The following SBNO2 variants were observed in gnomAD, a reference collection of about 807,000 sequenced individuals.
SBNO2 encodes the protein protein strawberry notch homolog 2.
In SBNO2, 89 loss-of-function variants were observed where a neutral mutation model predicts 146.3. The observed-to-expected ratio is 0.61, with a 90% CI of 0.51 to 0.73. The LOEUF (loss-of-function observed/expected upper bound fraction) is 0.73. Among genes scored for constraint, SBNO2 ranks in the 30% least tolerant of loss-of-function variants. The probability of loss-of-function intolerance (pLI) is 0.00; values close to 1 mark genes in which losing one functional copy is unlikely to be tolerated. For missense variants in SBNO2, 2,092 were observed against 2,003.7 expected (o/e 1.04, Z -0.84); for synonymous variants, 1,147 against 892.6 (o/e 1.29, Z -5.08).
rs773391842 is a variant in SBNO2, at chr19:1,108,198, G to A, written c.*22C>T. 4 of 1,522,396 alleles carry A rather than the reference G, an allele frequency of 2.6e-6. No homozygotes were observed. The highest frequency in any genetic ancestry group is 2.6e-5 in the East Asian group (1 of 37,768). 94.3% of individuals were successfully genotyped at this position (1,522,396 alleles called of 1,614,324 possible). Reference sequence around the variant, plus strand: ...GGAGAAACGGTCCCTGTGTCTTGGGGCATGTTTCGCCTAAAGGCGTGTCAG... The same window carrying A: ...GGAGAAACGGTCCCTGTGTCTTGGGACATGTTTCGCCTAAAGGCGTGTCAG... On this transcript the variant is annotated 3_prime_UTR_variant, in exon 32 of 32. Transcript: ENST00000361757.
chr19:1,141,710 C>G (rs2080138939), intron 4 of SBNO2, among the ~76,000 whole-genome samples: 1 of 152,136 alleles, frequency 6.6e-6, no homozygotes, highest in Non-Finnish European at 1.5e-5. Flanking sequence ...CTCCCAGACT[C>G]AAGCGATCCT....
In SBNO2 at chr19:1,120,931, G is replaced by A. The variant is rs141792712; in HGVS notation, c.1150-908C>T. Among the ~76,000 whole-genome samples the A allele has an allele frequency of 6.1e-3, 919 of 149,876 alleles. 18 individuals carry two copies. Among genetic ancestry groups the A allele is most frequent in the Admixed American group, 0.031 (473 of 15,060 alleles). On this transcript the variant is annotated intron_variant, in intron 11 of 31. Transcript: ENST00000361757. ...AGATGAGACACAGTCTCGCTCTGTC[G>A]CCTGGGCTGGAGAGCAGTGGGGCAA...
At chr19:1,117,252 C>T in intron 15 of SBNO2, 71 bp downstream of exon 15, 1 of 1,441,460 alleles carries the variant, frequency 6.9e-7, no homozygotes, top group Non-Finnish European at 9.3e-7. Flanking sequence ...CCAGGAAGGA[C>T]CTGGAAGAAG....
At chr19:1,164,435 G>A (rs1318201452) in intron 1 of SBNO2, among the ~76,000 whole-genome samples, 1 of 108,596 alleles carries the variant, frequency 9.2e-6, no homozygotes, top group African/African-American at 3.8e-5. Context: ...GGAGGAGGAG[G>A]AGGAGGAGGA....
chr19:1,165,197 A>T (rs996884528), intron 1 of SBNO2, among the ~76,000 whole-genome samples: 2 of 152,144 alleles, frequency 1.3e-5, no homozygotes, highest in Admixed American at 1.3e-4. Context: ...CCCCGCCGTC[A>T]GGAGCTCCAC....
rs112904734 is a variant in SBNO2, at chr19:1,112,651, C to G, written c.2380-114G>C. ...AGGTCACCAGGACGTCCCGGGGCAG[C>G]GAGAGGCCTGCGGGGCGCGGACACC... On this transcript the variant is annotated intron_variant, in intron 20 of 31. Coordinates refer to ENST00000361757, the MANE Select transcript of SBNO2 (RefSeq NM_014963.3). This position sits in a 1 kb window ranked among gnomAD's most constrained non-coding sequence, Gnocchi z 5.9. 7 of 1,449,492 alleles carry G rather than the reference C, an allele frequency of 4.8e-6. No homozygotes were observed. Among genetic ancestry groups the G allele is most frequent in the Non-Finnish European group, 6.4e-6 (7 of 1,099,458 alleles). 89.8% of individuals were successfully genotyped at this position (1,449,492 alleles called of 1,614,324 possible). A position where few individuals can be genotyped will look rare whatever the true frequency, so the allele number is the denominator to read the frequency against.
chr19:1,108,542 G>A lies in SBNO2; in HGVS notation c.3779C>T (p.Thr1260Ile), dbSNP rs2079703997. 2.5e-6 allele frequency: 3 copies of A among 1,224,204 alleles called. No individual in the cohort carries two copies. The highest frequency in any genetic ancestry group is 3.9e-5 in the East Asian group (1 of 25,374). The allele number at this position is 1,224,204 out of a possible 1,614,324, so 75.8% of individuals were successfully genotyped here. The change falls in exon 32 of 32, where the codon ACC (threonine) becomes ATC (isoleucine). Residue 1260 changes from threonine to isoleucine, a missense_variant. Coordinates refer to ENST00000361757, the MANE Select transcript of SBNO2 (RefSeq NM_014963.3). ...PCGPGEVLDL[T>I]YSPPAEAFPP... Reference sequence around the variant, plus strand: ...GAAGGCCTCGGCCGGGGGGCTGTAGGTGAGGTCCAGCACCTCTCCGGGGCC... The same window carrying A: ...GAAGGCCTCGGCCGGGGGGCTGTAGATGAGGTCCAGCACCTCTCCGGGGCC...
In SBNO2 at chr19:1,162,614, T is replaced by G. The variant is rs576449057; in HGVS notation, c.-126-8212A>C. On this transcript the variant is annotated intron_variant, in intron 1 of 31. Coordinates refer to ENST00000361757, the MANE Select transcript of SBNO2 (RefSeq NM_014963.3). Reference sequence around the variant, plus strand: ...TGACATCGGCCTTGAGGGACCAGACTTCTCCAGGCCGGCAACCTTCTCCCA... The same window carrying G: ...TGACATCGGCCTTGAGGGACCAGACGTCTCCAGGCCGGCAACCTTCTCCCA... Among the ~76,000 whole-genome samples the G allele has an allele frequency of 3.0e-3, 464 of 152,192 alleles. 1 individual carries two copies. The highest frequency in any genetic ancestry group is 5.7e-3 in the Non-Finnish European group (390 of 67,994).
At chr19:1,160,979 A>C (rs894539292) in intron 1 of SBNO2, among the ~76,000 whole-genome samples, 1 of 149,370 alleles carries the variant, frequency 6.7e-6, no homozygotes, top group Non-Finnish European at 1.5e-5. Context: ...GGACGGAAAG[A>C]AAGGGTGGAG....
In SBNO2 at chr19:1,116,109, A is replaced by C. The variant is rs760151925; in HGVS notation, c.1803-6T>G. 10 of 1,604,824 alleles carry C rather than the reference A, an allele frequency of 6.2e-6. No individual in the cohort carries two copies. In the East Asian group the frequency reaches 2.2e-4, roughly 36 times the overall value. On this transcript the variant is annotated splice_polypyrimidine_tract_variant and splice_region_variant and intron_variant, in intron 16 of 31. Coordinates refer to ENST00000361757, the MANE Select transcript of SBNO2 (RefSeq NM_014963.3). ...TTAGCGACAGGAACACGCCTCTGAA[A>C]GTGAGACGCGGAGTTTATTCTCACA...
intron 1 of SBNO2, among the ~76,000 whole-genome samples, chr19:1,172,780 C>A (rs1345633638): frequency 1.2e-5 from 1 of 80,412 alleles, no homozygotes; most frequent in Non-Finnish European, 2.5e-5. Context: ...CTGCAACCGC[C>A]CCCCCCGCCC....
At chr19:1,145,537 AG>A (rs1183993955) in intron 4 of SBNO2, among the ~76,000 whole-genome samples, 2 of 151,738 alleles carry the variant, frequency 1.3e-5, no homozygotes, top group African/African-American at 2.4e-5. Context: ...GAGGCAGAGA[AG>A]GGGTGAAAGA....
Position 1,122,918 on chromosome 19 carries a change from T to C in SBNO2, c.756A>G (p.Leu252=). ...SDSGALSALQ[L]EAITYACQQH... ...CCTGGCAGGCGTAGGTGATGGCCTC[T>C]AGCTGCAGGGCAGACAGGGCCCCGC... is the stretch of plus-strand genomic sequence containing the variant. Residue 252 remains leucine, a synonymous_variant, in exon 8 of 32, where the codon CTA becomes CTG. Transcript: ENST00000361757. 1.3e-6 allele frequency: 2 copies of C among 1,554,696 alleles called. No individual in the cohort carries two copies. Among genetic ancestry groups the C allele is most frequent in the Non-Finnish European group, 8.7e-7 (1 of 1,149,896 alleles).
intron 4 of SBNO2, among the ~76,000 whole-genome samples, chr19:1,138,768 C>T (rs1190103334): frequency 6.6e-6 from 1 of 150,668 alleles, no homozygotes; most frequent in Admixed American, 6.6e-5. Flanking sequence ...TCCTCCACGC[C>T]TCCATCACGG....
At position 1,108,360 on chromosome 19, in the gene SBNO2, G is replaced by C; in HGVS notation, c.3961C>G (p.Arg1321Gly). The change falls in exon 32 of 32, where the codon CGC becomes GGC. Residue 1321 changes from arginine (R) to glycine (G), a missense_variant. Arg to Gly is a moderately radical substitution (Grantham distance 125). Coordinates refer to ENST00000361757, the MANE Select transcript of SBNO2 (RefSeq NM_014963.3). ...GAGGGCGGCCCCGCGTGCAGCGAGC[G>C]CAGCATGTCCTCCAGCACCTCCTTG... ...NFKEVLEDMLRSLHAGPPSEG... is the reference protein window; with the variant it reads ...NFKEVLEDMLGSLHAGPPSEG... 7.7e-7 allele frequency: 1 copy of C among 1,294,938 alleles called. No individual in the cohort carries two copies. The highest frequency in any genetic ancestry group is 9.8e-7 in the Non-Finnish European group (1 of 1,016,244). 80.2% of individuals were successfully genotyped at this position (1,294,938 alleles called of 1,614,324 possible).
At chr19:1,115,994 G>C (rs2079827561) in intron 17 of SBNO2, 27 bp downstream of exon 17, 5 of 1,574,832 alleles carry the variant, frequency 3.2e-6, no homozygotes, top group Non-Finnish European at 2.6e-6. Flanking sequence ...GGCAGGGGTG[G>C]GTGGGGCCAT....
At chr19:1,149,282 C>T (rs565617612) in intron 3 of SBNO2, 87 bp downstream of exon 3, 208 of 1,282,028 alleles carry the variant, frequency 1.6e-4, no homozygotes, top group Admixed American at 4.7e-4. Flanking sequence ...TTTGGGCCCT[C>T]GCGCCCTGCA....
Position 1,110,060 on chromosome 19 carries a change from G to A in SBNO2, c.3029-283C>T, listed in dbSNP as rs207476980. ...AACCCCGAGCAGGCTGTGGGGGATC[G>A]TGGGAGCCTGGGGGCCGCTCAGATC... On this transcript the variant is annotated intron_variant, in intron 26 of 31. Coordinates refer to ENST00000361757, the MANE Select transcript of SBNO2 (RefSeq NM_014963.3). This position sits in a 1 kb window ranked among gnomAD's most constrained non-coding sequence, Gnocchi z 4.9. 1.3e-5 allele frequency among the ~76,000 whole-genome samples: 2 copies of A among 151,200 alleles called. No homozygotes were observed. Among genetic ancestry groups the A allele is most frequent in the East Asian group, 1.9e-4 (1 of 5,158 alleles).
At chr19:1,133,336 G>C (rs1373847299) in intron 4 of SBNO2, among the ~76,000 whole-genome samples, 3 of 152,184 alleles carry the variant, frequency 2.0e-5, no homozygotes, top group African/African-American at 7.2e-5. Context: ...CGAGAGGCCA[G>C]GGGAGCCCGT....
Sources: allele counts gnomAD v4.1 joint callset (sites outside exome capture counted in the v4.1 genomes callset), GRCh38; gene constraint gnomAD v4.1.1; non-coding constraint Gnocchi (gnomAD v3.1); transcripts MANE v1.5; gene names NCBI Gene and HGNC (gene_info 2026-07-23, HGNC 2026-07-21).